Variants in AAK1 observed in about 807,000 individuals in gnomAD.
AAK1 encodes AP2 associated kinase 1, also known as AP2-associated protein kinase 1.
A neutral mutation model predicts 116.0 loss-of-function variants in AAK1; 37 were observed. The ratio of observed to expected loss-of-function variants is 0.32; its 90% CI spans 0.25 to 0.42. AAK1 has a LOEUF of 0.42. Ranked by LOEUF, AAK1 falls within the 10% of genes least tolerant of loss-of-function variation. AAK1 has a pLI of 1.00. For missense variants in AAK1, 919 were observed against 1,170.6 expected (o/e 0.79, Z 3.14); for synonymous variants, 458 against 439.9 (o/e 1.04, Z -0.51).
In AAK1 at chr2:69,475,196, C is replaced by T. The variant is rs1674808344; in HGVS notation, c.*673G>A. 6 of 985,886 alleles carry T rather than the reference C, an allele frequency of 6.1e-6. No individual in the cohort carries two copies. The highest frequency in any genetic ancestry group is 5.2e-5 in the African/African-American group (3 of 57,348). The allele number at this position is 985,886 out of a possible 1,614,324, so 61.1% of individuals were successfully genotyped here. On this transcript the variant is annotated 3_prime_UTR_variant, in exon 22 of 22. Coordinates refer to ENST00000409085, the MANE Select transcript of AAK1 (RefSeq NM_014911.5). ...GTTCAATGGAAGCCAGAAAGCTGGA[C>T]GAATGCTGGGCAGGTTGCATGGGGT...
chr2:69,562,580 T>C (rs1184738941), intron 2 of AAK1, among the ~76,000 whole-genome samples: 2 of 152,156 alleles, frequency 1.3e-5, no homozygotes, highest in South Asian at 2.1e-4. Context: ...CATGAGATCA[T>C]GGTCTTCAGA....
intron 5 of AAK1, among the ~76,000 whole-genome samples, chr2:69,541,726 C>T (rs1279050452): frequency 1.3e-5 from 2 of 152,032 alleles, no homozygotes. Flanking sequence ...AAAATTTTGG[C>T]CCAAGAGATT....
chr2:69,482,322 A>G (rs565787188), intron 18 of AAK1: 1 of 436,644 alleles, frequency 2.3e-6, no homozygotes, highest in South Asian at 3.1e-5. Context: ...ATTGCACTCC[A>G]GCCTAGGCAA....
intron 2 of AAK1, among the ~76,000 whole-genome samples, chr2:69,564,786 A>T (rs892061167): frequency 1.3e-5 from 2 of 152,168 alleles, no homozygotes; most frequent in African/African-American, 4.8e-5. Context: ...TGTATCAACC[A>T]GCCCCTAGGT....
intron 8 of AAK1, among the ~76,000 whole-genome samples, chr2:69,528,789 G>C (rs925029087): frequency 8.5e-5 from 13 of 152,102 alleles, no homozygotes; most frequent in African/African-American, 2.4e-4. Context: ...ATAAAGAGTT[G>C]TATTTCCCAA....
intron 8 of AAK1, among the ~76,000 whole-genome samples, chr2:69,527,678 T>C (rs749003011): frequency 2.6e-5 from 4 of 152,220 alleles, no homozygotes; most frequent in Non-Finnish European, 5.9e-5. Flanking sequence ...CATCTTATCT[T>C]ACTAAACGAA....
intron 13 of AAK1, 31 bp from the exon 14 acceptor site, chr2:69,509,491 T>C (rs747235168): frequency 1.3e-6 from 2 of 1,541,390 alleles, no homozygotes; most frequent in Non-Finnish European, 8.7e-7. Flanking sequence ...AAGTGTTTCA[T>C]TAAATTAAAA....
At chr2:69,581,334 G>A (rs1672534058) in intron 2 of AAK1, among the ~76,000 whole-genome samples, 1 of 152,124 alleles carries the variant, frequency 6.6e-6, no homozygotes, top group African/African-American at 2.4e-5. Context: ...CTGACCTCAT[G>A]ATCCACCCAC....
chr2:69,609,999 C>A (rs1171814145), intron 2 of AAK1, among the ~76,000 whole-genome samples: 2 of 142,434 alleles, frequency 1.4e-5, no homozygotes, highest in African/African-American at 2.6e-5. Flanking sequence ...TGCAGTGAGC[C>A]GAGATCACAC....
chr2:69,495,050 A>G (rs1460733652), intron 17 of AAK1, among the ~76,000 whole-genome samples: 3 of 152,198 alleles, frequency 2.0e-5, no homozygotes, highest in African/African-American at 7.2e-5. Flanking sequence ...CAGTCCTGTC[A>G]GTTCAAGGTC....
intron 9 of AAK1, among the ~76,000 whole-genome samples, chr2:69,525,922 C>T (rs1231686888): frequency 6.6e-6 from 1 of 151,956 alleles, no homozygotes; most frequent in Admixed American, 6.5e-5. Context: ...CAGTATCCCT[C>T]GTTTTAATCT....
rs1479589645 is a variant in AAK1, at chr2:69,473,907, A to T, written c.*1962T>A. The stretch of plus-strand genomic sequence containing the variant: ...TAAACCAAGTCCTATTTTCACTGCT[A>T]TCCAACCACAGAGAGCCCTTCGTGG... On this transcript the variant is annotated 3_prime_UTR_variant, in exon 22 of 22. Transcript: ENST00000409085. The T allele has an allele frequency of 1.0e-6, 1 of 985,718 alleles. No individual in the cohort carries two copies. The highest frequency in any genetic ancestry group is 1.2e-6 in the Non-Finnish European group (1 of 829,932). 61.1% of individuals were successfully genotyped at this position (985,718 alleles called of 1,614,324 possible).
intron 16 of AAK1, among the ~76,000 whole-genome samples, chr2:69,502,363 T>A (rs1056700070): frequency 6.6e-6 from 1 of 151,742 alleles, no homozygotes; most frequent in African/African-American, 2.4e-5. Context: ...GGCTCACGTC[T>A]GTAATCCCAG....
intron 17 of AAK1, among the ~76,000 whole-genome samples, chr2:69,487,909 C>A (rs1675364749): frequency 6.6e-6 from 1 of 151,650 alleles, no homozygotes. Context: ...CCCGCCTCAG[C>A]CTCCCGAGTA....
chr2:69,487,875 C>T (rs1675362858), intron 17 of AAK1, among the ~76,000 whole-genome samples: 1 of 150,936 alleles, frequency 6.6e-6, no homozygotes, highest in African/African-American at 2.4e-5. Context: ...CTGCAACCTC[C>T]GCCTCCTAGG....
At chr2:69,556,128 G>A (rs1414447825) in intron 3 of AAK1, among the ~76,000 whole-genome samples, 2 of 152,248 alleles carry the variant, frequency 1.3e-5, no homozygotes, top group Non-Finnish European at 2.9e-5. Context: ...AACAAAATGT[G>A]CAGATTTTAA....
At chr2:69,488,149 C>CGTGT (rs58575925) in intron 17 of AAK1, among the ~76,000 whole-genome samples, 3,470 of 144,476 alleles carry the variant, frequency 0.024, 74 homozygotes, top group African/African-American at 0.056. Flanking sequence ...TGTGTGTGGA[C>CGTGT]GTGTGTGTGT....
chr2:69,572,941 G>A (rs539001897), intron 2 of AAK1, among the ~76,000 whole-genome samples: 9 of 152,286 alleles, frequency 5.9e-5, no homozygotes, highest in Admixed American at 3.3e-4. Context: ...AAGCTCCAGC[G>A]ATGCAGTAAG....
intron 2 of AAK1, among the ~76,000 whole-genome samples, chr2:69,632,800 G>A (rs184711594): frequency 1.2e-3 from 176 of 151,266 alleles, no homozygotes; most frequent in East Asian, 2.9e-3. Context: ...TTGGGAGGCC[G>A]AGGCGAGTGG....
Sources: gnomAD v4.1 joint callset for allele counts (sites outside exome capture counted in the v4.1 genomes callset) on GRCh38, gnomAD v4.1.1 for gene constraint, MANE v1.5 for transcripts, NCBI Gene and HGNC (gene_info 2026-07-23, HGNC 2026-07-21) for gene names.